The following PI4KA variants were observed in gnomAD, a reference collection of about 807,000 sequenced individuals.
PI4KA encodes the protein PI4-kinase alpha.
PI4KA carries 122 observed loss-of-function variants against 271.4 expected under a neutral mutation model. That is an observed-to-expected ratio of 0.45 (90% confidence interval 0.39 to 0.52). PI4KA has a LOEUF of 0.52. Ranked by LOEUF, PI4KA falls within the 20% of genes least tolerant of loss-of-function variation. PI4KA has a pLI of 0.00. For missense variants in PI4KA, 1,969 were observed against 2,769.1 expected (o/e 0.71, Z 6.48); for synonymous variants, 1,041 against 1,078.8 (o/e 0.96, Z 0.69).
rs361962 is a variant in PI4KA at position 20,833,657 on chromosome 22, G to GTTTTTTTTT, written c.367+896_367+904dup. 4.1e-4 allele frequency among the ~76,000 whole-genome samples: 30 copies of GTTTTTTTTT among 73,024 alleles called. 1 individual carries two copies. Among genetic ancestry groups the GTTTTTTTTT allele is most frequent in the East Asian group, 5.2e-4 (1 of 1,928 alleles). 47.9% of individuals were successfully genotyped at this position (73,024 alleles called of 152,430 possible). On this transcript the variant is annotated intron_variant, in intron 3 of 54. Transcript: ENST00000255882. ...CCCAGACTAGTTTTGGTTTGTTTTT[G>GTTTTTTTTT]TTTTTTTTTTTTTTTTTTTTTGAGA...
In PI4KA at chr22:20,734,425, G is replaced by A. The variant is rs1476029114; in HGVS notation, c.3870C>T (p.Pro1290=). 1.0e-5 allele frequency: 16 copies of A among 1,605,652 alleles called. No homozygotes were observed. Among genetic ancestry groups the A allele is most frequent in the East Asian group, 6.7e-5 (3 of 44,730 alleles). ...SEASQPKPCP[P]EVTPHYIWID... ...TCCAGATGTAGTGGGGGGTCACTTC[G>A]GGGGGACAGGGTTTGGGTTGACTTG... Residue 1290 remains proline, a synonymous_variant, in exon 33 of 55, where the codon CCC becomes CCT. Coordinates refer to ENST00000255882, the MANE Select transcript of PI4KA (RefSeq NM_058004.4).
chr22:20,729,494 C>T lies in PI4KA; in HGVS notation c.4501G>A (p.Glu1501Lys), dbSNP rs771371687. ...LLLSLLATEI[E>K]RLITWYNPLS... Reference sequence around the variant, plus strand: ...GGGTTGTACCATGTGATGAGACGCTCGATCTCAGTGGCCTGGCAAGATAAG... The same window carrying T: ...GGGTTGTACCATGTGATGAGACGCTTGATCTCAGTGGCCTGGCAAGATAAG... Residue 1501 changes from glutamate (E) to lysine (K), a missense_variant, in exon 39 of 55, where the codon GAG (glutamate) becomes AAG (lysine). Physicochemically the swap from Glu to Lys is moderately conservative, Grantham distance 56. Around this residue, in one of 13 missense-constraint regions of PI4KA, gnomAD observed 388 missense variants for 521.5 expected, o/e 0.74. Transcript: ENST00000255882. 5.6e-6 allele frequency: 9 copies of T among 1,597,420 alleles called. No individual in the cohort carries two copies. The highest frequency in any genetic ancestry group is 1.1e-5 in the South Asian group (1 of 88,930).
At chr22:20,792,212 T>A (rs1934687304) in intron 19 of PI4KA, among the ~76,000 whole-genome samples, 1 of 152,192 alleles carries the variant, frequency 6.6e-6, no homozygotes, top group Non-Finnish European at 1.5e-5. Flanking sequence ...CAGTTACTAT[T>A]TTTCATCTAC....
At chr22:20,816,033 A>G (rs1487003800) in intron 7 of PI4KA, among the ~76,000 whole-genome samples, 4 of 151,574 alleles carry the variant, frequency 2.6e-5, no homozygotes, top group African/African-American at 9.7e-5. Context: ...TGCGTCTCCC[A>G]GGTTCAAGTG....
At chr22:20,711,878 G>C (rs1489017572) in intron 50 of PI4KA, among the ~76,000 whole-genome samples, 1 of 150,904 alleles carries the variant, frequency 6.6e-6, no homozygotes, top group Admixed American at 6.6e-5. Flanking sequence ...CCGAGTAGCT[G>C]GGACTACAGG....
chr22:20,708,038 G>A lies in PI4KA; in HGVS notation c.*9C>T, dbSNP rs765340569. ...GCACATGGGGCAGAGGCCCTCGAAG[G>A]TCCCCTCCTCAGTAGGGGATGTCAT... On this transcript the variant is annotated 3_prime_UTR_variant, in exon 55 of 55. Transcript: ENST00000255882. 11 of 1,603,528 alleles carry A rather than the reference G, an allele frequency of 6.9e-6. No individual in the cohort carries two copies. In the Admixed American group the frequency reaches 1.5e-4, roughly 22 times the overall value.
At chr22:20,821,150 A>C (rs1282882293) in intron 4 of PI4KA, among the ~76,000 whole-genome samples, 1 of 152,212 alleles carries the variant, frequency 6.6e-6, no homozygotes, top group Non-Finnish European at 1.5e-5. Flanking sequence ...ATGTGACATT[A>C]GCTTTTCTGC....
At chr22:20,792,697 C>T (rs906736152) in intron 19 of PI4KA, among the ~76,000 whole-genome samples, 1 of 152,220 alleles carries the variant, frequency 6.6e-6, no homozygotes. Flanking sequence ...GGCTCTCCAA[C>T]ACGATGGTGC....
At chr22:20,780,357 G>T (rs178036) in intron 19 of PI4KA, among the ~76,000 whole-genome samples, 48,120 of 152,106 alleles carry the variant, frequency 0.32, 7,835 homozygotes, top group East Asian at 0.43. Context: ...AGGCCAAGCT[G>T]AAGTGACAGT....
Position 20,751,350 on chromosome 22 carries a change from A to G in PI4KA, c.3096T>C (p.Tyr1032=). ...TCCGGTAGGGGGCGTCGGGGATGTC[A>G]TAGTAAGGCTGATCCTTGTGAATAT... ...SADIHKDQPY[Y]DIPDAPYRIT... Residue 1032 remains tyrosine, a synonymous_variant, in exon 27 of 55, where the codon TAT becomes TAC. Coordinates refer to ENST00000255882, the MANE Select transcript of PI4KA (RefSeq NM_058004.4). 1 of 1,614,002 alleles carries G rather than the reference A, an allele frequency of 6.2e-7. No individual in the cohort carries two copies. Among genetic ancestry groups the G allele is most frequent in the Middle Eastern group, 1.7e-4 (1 of 6,060 alleles).
chr22:20,822,861 A>G (rs995797755), intron 4 of PI4KA, among the ~76,000 whole-genome samples: 1 of 152,192 alleles, frequency 6.6e-6, no homozygotes, highest in Non-Finnish European at 1.5e-5. Flanking sequence ...CATTTTCCTA[A>G]TATTAAGTAA....
chr22:20,718,652 A>T, intron 44 of PI4KA, 41 bp downstream of exon 44: 2 of 1,607,368 alleles, frequency 1.2e-6, no homozygotes, highest in Non-Finnish European at 1.7e-6. Context: ...CAGGGACTGG[A>T]AGGAGATCCC....
At chr22:20,741,811 C>A (rs1929493418) in intron 32 of PI4KA, among the ~76,000 whole-genome samples, 1 of 152,180 alleles carries the variant, frequency 6.6e-6, no homozygotes, top group Admixed American at 6.5e-5. Flanking sequence ...TGAGTATAAA[C>A]TTCCTTGTGG....
At chr22:20,833,992 A>C (rs980756412) in intron 3 of PI4KA, among the ~76,000 whole-genome samples, 1 of 151,924 alleles carries the variant, frequency 6.6e-6, no homozygotes, top group South Asian at 2.1e-4. Flanking sequence ...GAGTTCAAAC[A>C]ATCTGCCCAC....
At chr22:20,826,132 C>T (rs1601579988) in intron 3 of PI4KA, among the ~76,000 whole-genome samples, 1 of 152,106 alleles carries the variant, frequency 6.6e-6, no homozygotes, top group South Asian at 2.1e-4. Context: ...AACTTGAGGC[C>T]AGGAGTTCGA....
intron 27 of PI4KA, among the ~76,000 whole-genome samples, chr22:20,751,079 T>C (rs1476549955): frequency 6.6e-6 from 1 of 151,830 alleles, no homozygotes; most frequent in Non-Finnish European, 1.5e-5. Flanking sequence ...GAGCTGGGCT[T>C]GGAAGACAGA....
chr22:20,804,426 T>C (rs766976716), intron 11 of PI4KA, 26 bp from the exon 12 acceptor site: 2 of 1,495,648 alleles, frequency 1.3e-6, no homozygotes, highest in African/African-American at 2.8e-5. Flanking sequence ...GAAGAGGAGA[T>C]GAGTGATCAG....
At chr22:20,813,663 T>C (rs1921366042) in intron 7 of PI4KA, among the ~76,000 whole-genome samples, 157 bp from the exon 8 acceptor site, 1 of 152,204 alleles carries the variant, frequency 6.6e-6, no homozygotes, top group African/African-American at 2.4e-5. Context: ...CAGGGTAGAT[T>C]GCAAATCCTT....
At chr22:20,751,920 T>C (rs867417230) in intron 25 of PI4KA, among the ~76,000 whole-genome samples, 165 bp from the exon 26 acceptor site, 13 of 152,174 alleles carry the variant, frequency 8.5e-5, no homozygotes, top group Middle Eastern at 3.2e-3. Flanking sequence ...TCAGGCTCAT[T>C]GCAGTAAGGT....
Sources: allele counts gnomAD v4.1 joint callset (sites outside exome capture counted in the v4.1 genomes callset), GRCh38; gene constraint gnomAD v4.1.1; regional missense constraint gnomAD v4.1.1; transcripts MANE v1.5; gene names NCBI Gene and HGNC (gene_info 2026-07-23, HGNC 2026-07-21).